PLPPR3: variants seen among roughly 807,000 people sequenced by gnomAD.
The protein encoded by PLPPR3 is phospholipid phosphatase related 3.
In PLPPR3, 14 loss-of-function variants were observed where a neutral mutation model predicts 27.3. The ratio of observed to expected loss-of-function variants is 0.51; its 90% CI spans 0.34 to 0.80. PLPPR3 has a LOEUF of 0.80. Among genes scored for constraint, PLPPR3 ranks in the 30% least tolerant of loss-of-function variants. The pLI, the probability that PLPPR3 is intolerant of heterozygous loss-of-function variation, is 0.01. For synonymous variants in PLPPR3, 671 were observed against 508.0 expected (o/e 1.32, Z -4.32); for missense variants, 1,287 against 1,056.9 (o/e 1.22, Z -3.02).
Position 813,453 on chromosome 19 carries a change from T to A in PLPPR3, c.1274A>T (p.Asp425Val). 1 of 1,529,822 alleles carries A rather than the reference T, an allele frequency of 6.5e-7. No homozygotes were observed. Among genetic ancestry groups the A allele is most frequent in the Non-Finnish European group, 8.7e-7 (1 of 1,143,386 alleles). 94.8% of individuals were successfully genotyped at this position (1,529,822 alleles called of 1,614,324 possible). Residue 425 changes from aspartate to valine, a missense_variant, in exon 8 of 8, where the codon GAC (aspartate) becomes GTC (valine). Physicochemically the swap from Asp to Val is radical, Grantham distance 152 (BLOSUM62 -3). Coordinates refer to ENST00000520876, the MANE Select transcript of PLPPR3 (RefSeq NM_001270366.2). The surrounding 1 kb of genome is among the most constrained non-coding windows in gnomAD (Gnocchi z 4.1). ...SLEGRGLGLP[D>V]DASPGHLRAP... ...GCGCAGGTGCCCGGGGCTGGCGTCGTCGGGCAGCCCCAGGCCGCGGCCCTC... is the reference window on the plus strand; with the variant it reads ...GCGCAGGTGCCCGGGGCTGGCGTCGACGGGCAGCCCCAGGCCGCGGCCCTC...
chr19:815,892 C>T (rs748419103), intron 2 of PLPPR3, 41 bp from the exon 3 acceptor site: 18 of 1,594,002 alleles, frequency 1.1e-5, no homozygotes, highest in Admixed American at 8.5e-5. Context: ...TGCTCTCCCT[C>T]GCGGAGGCGT....
chr19:815,168 G>A lies in PLPPR3; in HGVS notation c.403+18C>T. ...CATGTGGAGGTAGCTCAGGGTCGGG[G>A]CGCGTCCCGCAACTCACCCACAAAC... On this transcript the variant is annotated intron_variant, in intron 4 of 7. Coordinates refer to ENST00000520876, the MANE Select transcript of PLPPR3 (RefSeq NM_001270366.2). The A allele has an allele frequency of 1.9e-6, 3 of 1,602,156 alleles. No homozygotes were observed. Among genetic ancestry groups the A allele is most frequent in the Non-Finnish European group, 2.5e-6 (3 of 1,178,898 alleles).
rs187838904 is a variant in PLPPR3 at position 818,428 on chromosome 19, C to T, written c.76-2577G>A. Among the ~76,000 whole-genome samples the T allele has an allele frequency of 5.9e-5, 9 of 152,118 alleles. No individual in the cohort carries two copies. The East Asian group carries it at 1.7e-3, about 29-fold the overall frequency. On this transcript the variant is annotated intron_variant, in intron 2 of 7. Transcript: ENST00000520876. ...AAAATAATAATAATAAGGCCGACCGCAGTGGCTCACACCTGTAATTCCAGT... is the reference window on the plus strand; with the variant it reads ...AAAATAATAATAATAAGGCCGACCGTAGTGGCTCACACCTGTAATTCCAGT...
chr19:812,897 C>A lies in PLPPR3; in HGVS notation c.1830G>T (p.Gly610=). 1 of 1,273,734 alleles carries A rather than the reference C, an allele frequency of 7.9e-7. No homozygotes were observed. Among genetic ancestry groups the A allele is most frequent in the Non-Finnish European group, 1.0e-6 (1 of 1,004,652 alleles). 78.9% of individuals were successfully genotyped at this position (1,273,734 alleles called of 1,614,324 possible). Reference sequence around the variant, plus strand: ...AGCCGCCGTCGGCCTCCGCCTTGGCCCCGCCGCCCGCCGCCTTCCACTCCC... The same window carrying A: ...AGCCGCCGTCGGCCTCCGCCTTGGCACCGCCGCCCGCCGCCTTCCACTCCC... ...APWEWKAAGG[G]AKAEADGGYE... is the part of the protein sequence containing the mutation. The change falls in exon 8 of 8, where the codon GGG becomes GGT. Residue 610 remains glycine (G), a synonymous_variant. Transcript: ENST00000520876.
In PLPPR3 at chr19:813,328, A is replaced by C. The variant is rs565903782; in HGVS notation, c.1399T>G (p.Ser467Ala). ...CGCGCCTGCACGGTGGGGTAGAGCG[A>C]GGGCGGGGCCGGGCCCTCGTCCTCC... ...EEEDEGPAPPSLYPTVQARPG... is the reference protein window; with the variant it reads ...EEEDEGPAPPALYPTVQARPG... The change falls in exon 8 of 8, where the codon TCG becomes GCG. Residue 467 changes from serine to alanine, a missense_variant. Physicochemically the swap from Ser to Ala is moderately conservative, Grantham distance 99. Coordinates refer to ENST00000520876, the MANE Select transcript of PLPPR3 (RefSeq NM_001270366.2). This position sits in a 1 kb window ranked among gnomAD's most constrained non-coding sequence, Gnocchi z 4.1. The C allele has an allele frequency of 7.6e-5, 111 of 1,466,764 alleles. No homozygotes were observed. In the South Asian group the frequency reaches 1.4e-3, roughly 19 times the overall value. The allele number at this position is 1,466,764 out of a possible 1,614,324, so 90.9% of individuals were successfully genotyped here. A position where few individuals can be genotyped will look rare whatever the true frequency, so the allele number is the denominator to read the frequency against.
intron 3 of PLPPR3, 152 bp downstream of exon 3, chr19:815,514 G>A (rs1568285290): frequency 1.9e-6 from 2 of 1,062,248 alleles, no homozygotes; most frequent in East Asian, 5.2e-5. Context: ...TGTTCACCGA[G>A]GTGGCAGTGG....
Position 815,683 on chromosome 19 carries a change from C to G in PLPPR3, c.244G>C (p.Ala82Pro), listed in dbSNP as rs903398472. The G allele has an allele frequency of 6.3e-7, 1 of 1,594,312 alleles. No homozygotes were observed. Among genetic ancestry groups the G allele is most frequent in the Non-Finnish European group, 8.5e-7 (1 of 1,171,748 alleles). Residue 82 changes from alanine to proline, a missense_variant, in exon 3 of 8, where the codon GCG becomes CCG. By Grantham distance (27) the Ala-to-Pro change is conservative. Transcript: ENST00000520876. The part of the protein sequence containing the change: ...PLLMLLSLAF[A>P]APAASIMVAE... Reference sequence around the variant, plus strand: ...GTGCTCACCGAGGCGGCAGGGGCCGCGAAGGCCAAGCTGAGCAGCATCAGC... The same window carrying G: ...GTGCTCACCGAGGCGGCAGGGGCCGGGAAGGCCAAGCTGAGCAGCATCAGC...
At chr19:821,387 G>A in intron 2 of PLPPR3, 98 bp downstream of exon 2, 2 of 1,057,434 alleles carry the variant, frequency 1.9e-6, no homozygotes, top group Non-Finnish European at 2.6e-6. Flanking sequence ...GGCCACTGCC[G>A]GGGCAGCTGC....
In PLPPR3 at chr19:815,301, G is replaced by A. The variant is rs780851788; in HGVS notation, c.288C>T (p.Tyr96=). 1.3e-6 allele frequency: 2 copies of A among 1,548,170 alleles called. No individual in the cohort carries two copies. The highest frequency in any genetic ancestry group is 2.4e-5 in the South Asian group (2 of 84,302). The change falls in exon 4 of 8, where the codon TAC becomes TAT. Residue 96 remains tyrosine (Y), a synonymous_variant. Transcript: ENST00000520876. ...GGCCCCACAGCCGGGACTGCAGACA[G>A]TACAACATGCCCTCGGCCACCATGA... The part of the protein sequence containing the change: ...ASIMVAEGML[Y]CLQSRLWGRA...
chr19:823,184 A>G (rs1019377313), upstream of PLPPR3, among the ~76,000 whole-genome samples: 8 of 149,716 alleles, frequency 5.3e-5, no homozygotes, highest in African/African-American at 2.0e-4. Flanking sequence ...GCTCAGGCCT[A>G]TAATCCCAGC....
chr19:821,711 G>A (rs961516964), intron 1 of PLPPR3, 126 bp from the exon 2 acceptor site: 9 of 449,354 alleles, frequency 2.0e-5, no homozygotes, highest in African/African-American at 1.9e-4. Context: ...CGTCCGCGTG[G>A]CCTCCCCGCG....
chr19:812,591 C>T lies in PLPPR3; in HGVS notation c.2136G>A (p.Gln712=). Residue 712 remains glutamine, a synonymous_variant, in exon 8 of 8, where the codon CAG becomes CAA. Transcript: ENST00000520876. The part of the protein sequence containing the change: ...AEAEGYFRKM[Q]ARRFPD Reference sequence around the variant, plus strand: ...CGCGCTAGTCGGGGAAGCGGCGCGCCTGCATCTTGCGGAAGTAGCCCTCGG... The same window carrying T: ...CGCGCTAGTCGGGGAAGCGGCGCGCTTGCATCTTGCGGAAGTAGCCCTCGG... The T allele has an allele frequency of 9.0e-7, 1 of 1,107,650 alleles. No individual in the cohort carries two copies. 68.6% of individuals were successfully genotyped at this position (1,107,650 alleles called of 1,614,324 possible). A position where few individuals can be genotyped will look rare whatever the true frequency, so the allele number is the denominator to read the frequency against.
At position 813,966 on chromosome 19, in the gene PLPPR3, GCC is replaced by G. The variant is rs1423882686; in HGVS notation, c.832-73_832-72del. 612 of 1,400,592 alleles carry G rather than the reference GCC, an allele frequency of 4.4e-4. 4 individuals are homozygous for G. The highest frequency in any genetic ancestry group is 3.7e-3 in the South Asian group (238 of 63,866). The allele number at this position is 1,400,592 out of a possible 1,614,324, so 86.8% of individuals were successfully genotyped here. On this transcript the variant is annotated intron_variant, in intron 7 of 7. Transcript: ENST00000520876. The surrounding 1 kb of genome is among the most constrained non-coding windows in gnomAD (Gnocchi z 4.1). The stretch of plus-strand genomic sequence containing the variant: ...CTCCTCCCCTGTGATCGTTGGACTT[GCC>G]GCGGGGGGCTCTGGACCGGGGGTGG...
At chr19:818,334 C>G (rs958413069) in intron 2 of PLPPR3, among the ~76,000 whole-genome samples, 3 of 151,910 alleles carry the variant, frequency 2.0e-5, no homozygotes, top group South Asian at 2.1e-4. Context: ...AGTGAGCTGA[C>G]ATTGTTCCAC....
rs767467392 is a variant in PLPPR3, at chr19:815,768, C to G, written c.159G>C (p.Gln53His). ...GCATGGAGAGAGTGCGGTCATAGCA[C>G]TGGAAGCCCACCTTGGCCGGCTTGA... The part of the protein sequence containing the change: ...DLFKPAKVGF[Q>H]CYDRTLSMPY... Residue 53 changes from glutamine (Q) to histidine (H), a missense_variant, in exon 3 of 8, where the codon CAG becomes CAC. Gln to His is a conservative substitution (Grantham distance 24, BLOSUM62 0). Transcript: ENST00000520876. The G allele has an allele frequency of 1.9e-6, 3 of 1,612,868 alleles. No individual in the cohort carries two copies. Among genetic ancestry groups the G allele is most frequent in the African/African-American group, 2.7e-5 (2 of 75,038 alleles).
In PLPPR3 at chr19:813,566, G is replaced by T. The variant is rs765386453; in HGVS notation, c.1161C>A (p.Asp387Glu). ...GGATGGTCATGTGGCGGCGCGCGGG[G>T]TCGTCCAGCGAGGGCGCGCTGGCCC... Reference protein sequence around the residue: ...LPRASAPSLDDPARRHMTIHV... With the variant: ...LPRASAPSLDEPARRHMTIHV... Residue 387 changes from aspartate (D) to glutamate (E), a missense_variant, in exon 8 of 8, where the codon GAC (aspartate) becomes GAA (glutamate). Asp to Glu is a conservative substitution (Grantham distance 45). Coordinates refer to ENST00000520876, the MANE Select transcript of PLPPR3 (RefSeq NM_001270366.2). This position sits in a 1 kb window ranked among gnomAD's most constrained non-coding sequence, Gnocchi z 4.1. The T allele has an allele frequency of 6.4e-7, 1 of 1,558,620 alleles. No homozygotes were observed. The highest frequency in any genetic ancestry group is 8.7e-7 in the Non-Finnish European group (1 of 1,153,552).
chr19:815,167 GGCGCGTC>G lies in PLPPR3; in HGVS notation c.403+12_403+18del. 6.2e-7 allele frequency: 1 copy of G among 1,602,220 alleles called. No individual in the cohort carries two copies. The highest frequency in any genetic ancestry group is 8.5e-7 in the Non-Finnish European group (1 of 1,178,938). On this transcript the variant is annotated intron_variant, in intron 4 of 7. Transcript: ENST00000520876. The stretch of plus-strand genomic sequence containing the variant: ...GCATGTGGAGGTAGCTCAGGGTCGG[GGCGCGTC>G]CCGCAACTCACCCACAAACCGCACC...
intron 2 of PLPPR3, 47 bp downstream of exon 2, chr19:821,438 G>T: frequency 6.7e-7 from 1 of 1,484,374 alleles, no homozygotes; most frequent in Non-Finnish European, 9.0e-7. Flanking sequence ...CTGCGGGCGG[G>T]CGGAACCGAG....
intron 2 of PLPPR3, among the ~76,000 whole-genome samples, chr19:817,526 G>A (rs1319166465): frequency 6.6e-6 from 1 of 152,118 alleles, no homozygotes; most frequent in Non-Finnish European, 1.5e-5. Flanking sequence ...CACCTGCCTC[G>A]GCCTCCTGAA....
Sources: allele counts gnomAD v4.1 joint callset (sites outside exome capture counted in the v4.1 genomes callset), GRCh38; gene constraint gnomAD v4.1.1; non-coding constraint Gnocchi (gnomAD v3.1); transcripts MANE v1.5; gene names NCBI Gene and HGNC (gene_info 2026-07-23, HGNC 2026-07-21).